AHI1: variants seen among roughly 807,000 people sequenced by gnomAD.
AHI1 encodes Abelson helper integration site 1, also known as jouberin.
Under a neutral mutation model 149.3 loss-of-function variants are expected in AHI1, and 123 were observed. The ratio of observed to expected loss-of-function variants is 0.82; its 90% CI spans 0.71 to 0.96. AHI1 has a LOEUF of 0.96. Ranked by LOEUF, AHI1 falls within the 40% of genes least tolerant of loss-of-function variation. The pLI is 0.00. For missense variants in AHI1, 1,439 were observed against 1,422.7 expected, an observed-to-expected ratio of 1.01 and a Z score of -0.18; for synonymous variants, 475 against 459.8, an observed-to-expected ratio of 1.03 and a Z score of -0.42.
rs192608198 is a variant in AHI1, at chr6:135,305,065, C to T, written c.3427-4507G>A. 2.6e-5 allele frequency: 4 copies of T among 152,238 alleles called. No homozygotes were observed. The East Asian group carries it at 7.7e-4, about 29-fold the overall frequency. 9.4% of individuals were successfully genotyped at this position (152,238 alleles called of 1,614,324 possible). On this transcript the variant is annotated intron_variant, in intron 26 of 28. Coordinates refer to ENST00000265602, the MANE Select transcript of AHI1 (RefSeq NM_001134831.2). Reference sequence around the variant, plus strand: ...ATCTTCAGGAGGCAGGTAAAAGGTGCAATGAAGACTGAAGAATGGGAGAAT... The same window carrying T: ...ATCTTCAGGAGGCAGGTAAAAGGTGTAATGAAGACTGAAGAATGGGAGAAT...
chr6:135,306,307 G>C (rs184821957), intron 26 of AHI1, among the ~76,000 whole-genome samples: 9 of 152,330 alleles, frequency 5.9e-5, no homozygotes, highest in African/African-American at 2.2e-4. Context: ...CCATAGAAAG[G>C]AAAAGCAGTT....
chr6:135,442,541 G>A (rs1291117322), intron 14 of AHI1, 41 bp downstream of exon 14: 6 of 1,551,516 alleles, frequency 3.9e-6, no homozygotes, highest in South Asian at 2.5e-5. Flanking sequence ...TGTCCTCCAC[G>A]TGGACTACAA....
At chr6:135,440,588 A>G (rs1427744071) in intron 14 of AHI1, among the ~76,000 whole-genome samples, 2 of 152,164 alleles carry the variant, frequency 1.3e-5, no homozygotes. Flanking sequence ...AGTAAAGCTA[A>G]GGCAGAGCTG....
chr6:135,374,108 ATTTTTTTTTT>A (rs869245989), intron 23 of AHI1, among the ~76,000 whole-genome samples: 12 of 49,798 alleles, frequency 2.4e-4, no homozygotes, highest in East Asian at 1.2e-3. Context: ...ATATATATAT[ATTTTTTTTTT>A]TTTTTTTTTT....
intron 15 of AHI1, 149 bp from the exon 16 acceptor site, chr6:135,433,405 AATG>A: frequency 1.7e-6 from 1 of 599,614 alleles, no homozygotes; most frequent in Non-Finnish European, 2.9e-6. Flanking sequence ...TGAAAAATAT[AATG>A]ATGATCTCAT....
intron 5 of AHI1, among the ~76,000 whole-genome samples, chr6:135,475,478 G>T (rs1036120947): frequency 6.6e-6 from 1 of 152,188 alleles, no homozygotes. Flanking sequence ...TTGCCAGAAA[G>T]CTTATGTTAG....
At position 135,457,582 on chromosome 6, in the gene AHI1, G is replaced by C. The variant is rs1789176275; in HGVS notation, c.1063C>G (p.Leu355Val). The C allele has an allele frequency of 6.2e-7, 1 of 1,613,804 alleles. No individual in the cohort carries two copies. The highest frequency in any genetic ancestry group is 8.5e-7 in the Non-Finnish European group (1 of 1,179,864). Residue 355 changes from leucine (L) to valine (V), a missense_variant, in exon 9 of 29, where the codon CTT becomes GTT. By Grantham distance (32) the Leu-to-Val change is conservative. Coordinates refer to ENST00000265602, the MANE Select transcript of AHI1 (RefSeq NM_001134831.2). ...LGVYIHRTDR[L>V]KSDFMISHPM... is the part of the protein sequence containing the mutation. The stretch of plus-strand genomic sequence containing the variant: ...TGAGAAATCATAAAATCTGACTTAA[G>C]TCTATCAGTTCGGTGAATGTAAACT...
chr6:135,437,358 T>C (rs1785567103), intron 15 of AHI1, among the ~76,000 whole-genome samples: 1 of 152,214 alleles, frequency 6.6e-6, no homozygotes, highest in Non-Finnish European at 1.5e-5. Flanking sequence ...TTCTCTAGTA[T>C]GGCCTGGCAT....
At chr6:135,344,088 T>C (rs1790787596) in intron 24 of AHI1, among the ~76,000 whole-genome samples, 1 of 152,024 alleles carries the variant, frequency 6.6e-6, no homozygotes, top group Non-Finnish European at 1.5e-5. Context: ...AAAATAGTAT[T>C]TGCATACAAC....
intron 20 of AHI1, among the ~76,000 whole-genome samples, chr6:135,424,369 A>G (rs1004924494): frequency 1.3e-5 from 2 of 152,166 alleles, no homozygotes; most frequent in East Asian, 3.9e-4. Context: ...ATCTAGAACA[A>G]TATCCTAGAG....
intron 8 of AHI1, among the ~76,000 whole-genome samples, chr6:135,460,398 T>C (rs1789687911): frequency 6.6e-6 from 1 of 152,180 alleles, no homozygotes; most frequent in Non-Finnish European, 1.5e-5. Context: ...TGCTGGGATA[T>C]ATTAAATAAG....
At chr6:135,467,780 T>C (rs977598566) in intron 5 of AHI1, 146 bp from the exon 6 acceptor site, 15 of 532,786 alleles carry the variant, frequency 2.8e-5, no homozygotes, top group Non-Finnish European at 4.6e-5. Context: ...CTTAGAGCAT[T>C]TGATGAGTAC....
At chr6:135,375,120 G>C (rs555907083) in intron 23 of AHI1, among the ~76,000 whole-genome samples, 1 of 152,268 alleles carries the variant, frequency 6.6e-6, no homozygotes, top group Admixed American at 6.5e-5. Flanking sequence ...GGAGTATCTA[G>C]TTGGAACATC....
intron 23 of AHI1, among the ~76,000 whole-genome samples, chr6:135,360,479 T>C (rs1793689440): frequency 6.6e-6 from 1 of 152,198 alleles, no homozygotes; most frequent in Non-Finnish European, 1.5e-5. Flanking sequence ...ACTGCAACTC[T>C]TTCCTACGTC....
At chr6:135,467,048 G>A (rs896362653) in intron 6 of AHI1, among the ~76,000 whole-genome samples, 4 of 152,130 alleles carry the variant, frequency 2.6e-5, no homozygotes, top group African/African-American at 4.8e-5. Context: ...ATGACCAATC[G>A]AGGAGCTGGG....
chr6:135,460,975 A>G (rs2128088265), intron 8 of AHI1, among the ~76,000 whole-genome samples: 1 of 152,336 alleles, frequency 6.6e-6, no homozygotes, highest in South Asian at 2.1e-4. Context: ...TAAAACTTTT[A>G]GAATAAAACT....
Position 135,284,021 on chromosome 6 carries a change from A to ATGAT in AHI1, c.*1623_*1624insATCA, listed in dbSNP as rs1781473056. 6.6e-6 allele frequency: 1 copy of ATGAT among 152,202 alleles called. No individual in the cohort carries two copies. The highest frequency in any genetic ancestry group is 1.5e-5 in the Non-Finnish European group (1 of 68,026). The allele number at this position is 152,202 out of a possible 1,614,324, so 9.4% of individuals were successfully genotyped here. ...CAGATATTTTTATTTTTAAATTATC[A>ATGAT]AGTGCATTCACAAGACAGAAAAAAA... On this transcript the variant is annotated 3_prime_UTR_variant, in exon 29 of 29. Transcript: ENST00000265602.
intron 15 of AHI1, among the ~76,000 whole-genome samples, chr6:135,436,818 T>C (rs1785473740): frequency 6.6e-6 from 1 of 152,168 alleles, no homozygotes; most frequent in Non-Finnish European, 1.5e-5. Flanking sequence ...GCCAGGCTGA[T>C]CTCGAACTCC....
intron 23 of AHI1, among the ~76,000 whole-genome samples, chr6:135,359,138 C>T (rs1793453780): frequency 6.6e-6 from 1 of 152,178 alleles, no homozygotes; most frequent in African/African-American, 2.4e-5. Context: ...GAGATCAACA[C>T]AAACAATCAC....
Sources: allele counts gnomAD v4.1 joint callset (sites outside exome capture counted in the v4.1 genomes callset), GRCh38; gene constraint gnomAD v4.1.1; transcripts MANE v1.5; gene names NCBI Gene and HGNC (gene_info 2026-07-23, HGNC 2026-07-21).